KNTC1: variants seen among roughly 807,000 people sequenced by gnomAD.
KNTC1 encodes kinetochore associated 1, also known as kinetochore-associated protein 1.
KNTC1 carries 253 observed loss-of-function variants against 314.4 expected under a neutral mutation model. That is an observed-to-expected ratio of 0.80 (90% confidence interval 0.73 to 0.89). KNTC1 has a LOEUF of 0.89. Ranked by LOEUF, KNTC1 falls within the 40% of genes least tolerant of loss-of-function variation. The pLI is 0.00. For missense variants in KNTC1, 2,475 were observed against 2,572.9 expected (o/e 0.96, Z 0.82); for synonymous variants, 901 against 901.4 (o/e 1.00, Z 0.01).
At chr12:122,576,187 G>A (rs1037930899) in intron 29 of KNTC1, among the ~76,000 whole-genome samples, 1 of 152,036 alleles carries the variant, frequency 6.6e-6, no homozygotes, top group African/African-American at 2.4e-5. Flanking sequence ...AGCCTCCTGA[G>A]TAGCTGGGAT....
chr12:122,551,743 T>C, intron 16 of KNTC1, 47 bp downstream of exon 16: 1 of 1,361,676 alleles, frequency 7.3e-7, no homozygotes, highest in South Asian at 1.2e-5. Context: ...CATTTCGTCA[T>C]GGGCTAGAGG....
intron 60 of KNTC1, among the ~76,000 whole-genome samples, chr12:122,621,578 G>T (rs982569706): frequency 6.6e-6 from 1 of 152,180 alleles, no homozygotes; most frequent in South Asian, 2.1e-4. Context: ...GAGGCAATCC[G>T]CTGGCCTTGG....
At chr12:122,568,005 C>T (rs1186037660) in intron 20 of KNTC1, among the ~76,000 whole-genome samples, 1 of 152,010 alleles carries the variant, frequency 6.6e-6, no homozygotes, top group South Asian at 2.1e-4. Flanking sequence ...GTTATTTCTA[C>T]GTGTAGTGAT....
chr12:122,536,462 T>A (rs937075009), intron 3 of KNTC1, among the ~76,000 whole-genome samples: 1 of 150,704 alleles, frequency 6.6e-6, no homozygotes, highest in African/African-American at 2.4e-5. Context: ...AACCTCATGA[T>A]CTGCCCGCCT....
rs749439154 is a variant in KNTC1, at chr12:122,547,973, T to C, written c.987+4T>C. 6.5e-7 allele frequency: 1 copy of C among 1,530,848 alleles called. No individual in the cohort carries two copies. The highest frequency in any genetic ancestry group is 2.3e-5 in the Admixed American group (1 of 44,106). 94.8% of individuals were successfully genotyped at this position (1,530,848 alleles called of 1,614,324 possible). A position where few individuals can be genotyped will look rare whatever the true frequency, so the allele number is the denominator to read the frequency against. On this transcript the variant is annotated splice_donor_region_variant and intron_variant, in intron 12 of 63. Coordinates refer to ENST00000333479, the MANE Select transcript of KNTC1 (RefSeq NM_014708.6). Reference sequence around the variant, plus strand: ...GACAGCTTCAGCTAATAAGAAGGTATTGGAAAATTTTATTTTGTGCTTGCC... The same window carrying C: ...GACAGCTTCAGCTAATAAGAAGGTACTGGAAAATTTTATTTTGTGCTTGCC...
intron 24 of KNTC1, among the ~76,000 whole-genome samples, chr12:122,572,679 A>G (rs1273604719): frequency 6.6e-6 from 1 of 152,142 alleles, no homozygotes; most frequent in Non-Finnish European, 1.5e-5. Flanking sequence ...TACTAAGTAT[A>G]CTTGGGTTCT....
At chr12:122,574,930 T>C (rs1036578264) in intron 27 of KNTC1, among the ~76,000 whole-genome samples, 2 of 152,212 alleles carry the variant, frequency 1.3e-5, no homozygotes, top group Non-Finnish European at 2.9e-5. Flanking sequence ...TTATTGCCAC[T>C]ATAAAATAGA....
At chr12:122,581,138 A>G (rs955976742) in intron 33 of KNTC1, among the ~76,000 whole-genome samples, 4 of 151,728 alleles carry the variant, frequency 2.6e-5, no homozygotes, top group Non-Finnish European at 5.9e-5. Flanking sequence ...TTTACATACC[A>G]TATAATTCAT....
chr12:122,548,514 A>C (rs1007950866), intron 12 of KNTC1, among the ~76,000 whole-genome samples: 6 of 152,186 alleles, frequency 3.9e-5, no homozygotes, highest in Admixed American at 2.6e-4. Context: ...CCGGCCCAGG[A>C]AAGTGTTTAT....
intron 3 of KNTC1, among the ~76,000 whole-genome samples, chr12:122,535,141 T>C (rs909726964): frequency 2.0e-5 from 3 of 152,238 alleles, no homozygotes; most frequent in African/African-American, 7.2e-5. Context: ...ATTTTTAGAA[T>C]TAATAGCTCT....
chr12:122,573,239 G>T lies in KNTC1; in HGVS notation c.2237G>T (p.Arg746Ile), dbSNP rs367576553. 8 of 1,613,758 alleles carry T rather than the reference G, an allele frequency of 5.0e-6. No individual in the cohort carries two copies. Among genetic ancestry groups the T allele is most frequent in the Non-Finnish European group, 6.8e-6 (8 of 1,179,846 alleles). ...GAGAAGTTTATAAGAGTTTACATGA[G>T]AGAACATGACTTGCAAGAGGAGGAA... ...ILEKFIRVYM[R>I]EHDLQEEELL... is the part of the protein sequence containing the mutation. The change falls in exon 26 of 64, where the codon AGA becomes ATA. Residue 746 changes from arginine (R) to isoleucine (I), a missense_variant. Coordinates refer to ENST00000333479, the MANE Select transcript of KNTC1 (RefSeq NM_014708.6).
chr12:122,546,728 A>T lies in KNTC1; in HGVS notation c.816+54A>T, dbSNP rs1479206580. ...TTTACTTGATATGTTTTACAACAAA[A>T]ATGTCAGACTTACAAAGGCAAGGGT... On this transcript the variant is annotated intron_variant, in intron 10 of 63. Transcript: ENST00000333479. 5 of 1,190,078 alleles carry T rather than the reference A, an allele frequency of 4.2e-6. No individual in the cohort carries two copies. In the East Asian group the frequency reaches 1.0e-4, roughly 24 times the overall value. 73.7% of individuals were successfully genotyped at this position (1,190,078 alleles called of 1,614,324 possible). A position where few individuals can be genotyped will look rare whatever the true frequency, so the allele number is the denominator to read the frequency against.
Position 122,577,739 on chromosome 12 carries a change from T to G in KNTC1, c.2789T>G (p.Val930Gly). ...PAEAEKTAER[V>G]IIWARLALQE... ...GAAGCTGAGAAAACTGCAGAAAGAG[T>G]CATCATATGGGCACGACTGGCATTA... The change falls in exon 31 of 64, where the codon GTC becomes GGC. Residue 930 changes from valine (V) to glycine (G), a missense_variant. Physicochemically the swap from Val to Gly is moderately radical, Grantham distance 109 (BLOSUM62 -3). Coordinates refer to ENST00000333479, the MANE Select transcript of KNTC1 (RefSeq NM_014708.6). The G allele has an allele frequency of 6.2e-7, 1 of 1,613,554 alleles. No individual in the cohort carries two copies. The highest frequency in any genetic ancestry group is 1.1e-5 in the South Asian group (1 of 91,064).
intron 16 of KNTC1, among the ~76,000 whole-genome samples, chr12:122,552,765 A>G (rs1052632536): frequency 1.3e-5 from 2 of 152,196 alleles, no homozygotes; most frequent in African/African-American, 4.8e-5. Context: ...AAGAATTTGG[A>G]GAAGGGTAAA....
intron 27 of KNTC1, 122 bp from the exon 28 acceptor site, chr12:122,575,421 G>T: frequency 1.5e-6 from 1 of 668,092 alleles, no homozygotes; most frequent in South Asian, 1.7e-5. Context: ...TCCAGTGAGT[G>T]GATGAAATAT....
intron 19 of KNTC1, 77 bp downstream of exon 19, chr12:122,562,051 G>A (rs1424153538): frequency 4.3e-6 from 6 of 1,393,312 alleles, no homozygotes; most frequent in Non-Finnish European, 4.9e-6. Flanking sequence ...AAATAGACCC[G>A]TATTTTATCA....
intron 41 of KNTC1, among the ~76,000 whole-genome samples, 198 bp from the exon 42 acceptor site, chr12:122,591,139 G>A (rs1870133550): frequency 6.6e-6 from 1 of 152,158 alleles, no homozygotes; most frequent in South Asian, 2.1e-4. Flanking sequence ...GGAAAGCCAG[G>A]CTAAATGTAT....
rs773290474 is a variant in KNTC1 at position 122,618,370 on chromosome 12, C to T, written c.6058C>T (p.Arg2020Cys). ...QVPYFSKAWQRVIQIPLLSAS... is the reference protein window; with the variant it reads ...QVPYFSKAWQCVIQIPLLSAS... ...TCCCTACTTCAGCAAAGCGTGGCAG[C>T]GTGTGATACAGATACCACTGCTTTC... Residue 2020 changes from arginine (R) to cysteine (C), a missense_variant, in exon 58 of 64, where the codon CGT becomes TGT. Coordinates refer to ENST00000333479, the MANE Select transcript of KNTC1 (RefSeq NM_014708.6). 10 of 1,613,674 alleles carry T rather than the reference C, an allele frequency of 6.2e-6. No individual in the cohort carries two copies. Among genetic ancestry groups the T allele is most frequent in the Non-Finnish European group, 6.8e-6 (8 of 1,179,724 alleles).
intron 41 of KNTC1, 95 bp from the exon 42 acceptor site, chr12:122,591,242 A>T: frequency 1.3e-6 from 1 of 762,454 alleles, no homozygotes; most frequent in Non-Finnish European, 2.4e-6. Context: ...GGTTGATCAC[A>T]AAGTTATGAT....
Sources: gnomAD v4.1 joint callset for allele counts (sites outside exome capture counted in the v4.1 genomes callset) on GRCh38, gnomAD v4.1.1 for gene constraint, MANE v1.5 for transcripts, NCBI Gene and HGNC (gene_info 2026-07-23, HGNC 2026-07-21) for gene names.